GADL1: variants seen among roughly 807,000 people sequenced by gnomAD.
GADL1 encodes the protein GAD like acidic amino acid decarboxylase 1, also known as acidic amino acid decarboxylase GADL1.
GADL1 carries 71 observed loss-of-function variants against 69.5 expected under a neutral mutation model. The ratio of observed to expected loss-of-function variants is 1.02; its 90% CI spans 0.84 to 1.25. GADL1 has a LOEUF of 1.25. GADL1 is among the 50% of genes most tolerant of loss of function. The probability of loss-of-function intolerance (pLI) is 0.00; values close to 1 mark genes in which losing one functional copy is unlikely to be tolerated. For synonymous variants in GADL1, 254 were observed against 214.4 expected (o/e 1.18, Z -1.62); for missense variants, 737 against 631.8 (o/e 1.17, Z -1.79).
chr3:30,892,991 A>G (rs571512879), intron 1 of GADL1, among the ~76,000 whole-genome samples: 6 of 152,236 alleles, frequency 3.9e-5, no homozygotes, highest in Admixed American at 3.3e-4. Context: ...CGAGTACTGG[A>G]TTACAGGCAC....
chr3:30,729,114 A>G (rs1235705085), intron 14 of GADL1, among the ~76,000 whole-genome samples: 1 of 152,204 alleles, frequency 6.6e-6, no homozygotes, highest in Non-Finnish European at 1.5e-5. Context: ...AAAGATCTAT[A>G]GCTGACATGA....
At chr3:30,874,542 T>C (rs1347095180) in intron 1 of GADL1, among the ~76,000 whole-genome samples, 4 of 151,934 alleles carry the variant, frequency 2.6e-5, no homozygotes, top group African/African-American at 7.2e-5. Context: ...TTAGCAAATG[T>C]CCTCATGTTG....
chr3:30,807,358 T>A (rs1171603662), intron 11 of GADL1, among the ~76,000 whole-genome samples: 1 of 152,224 alleles, frequency 6.6e-6, no homozygotes, highest in African/African-American at 2.4e-5. Flanking sequence ...GGAATGTATT[T>A]GCCAGTTATA....
chr3:30,753,922 G>C (rs1304846400), intron 14 of GADL1, among the ~76,000 whole-genome samples: 1 of 152,136 alleles, frequency 6.6e-6, no homozygotes, highest in Non-Finnish European at 1.5e-5. Flanking sequence ...ATCCAGAAGA[G>C]GGAAGCAATT....
chr3:30,889,943 G>C (rs1698765311), intron 1 of GADL1, among the ~76,000 whole-genome samples: 1 of 152,034 alleles, frequency 6.6e-6, no homozygotes, highest in Non-Finnish European at 1.5e-5. Flanking sequence ...TCTACCTAGA[G>C]ACAACACCTA....
intron 11 of GADL1, among the ~76,000 whole-genome samples, chr3:30,827,625 CAG>C (rs1697704649): frequency 6.6e-6 from 1 of 151,852 alleles, no homozygotes; most frequent in African/African-American, 2.4e-5. Flanking sequence ...GCAGAAATGA[CAG>C]AGGTGTTTGT....
intron 14 of GADL1, among the ~76,000 whole-genome samples, chr3:30,748,450 AC>A (rs34836673): frequency 0.24 from 36,489 of 151,914 alleles, 4,751 homozygotes; most frequent in Non-Finnish European, 0.29. Flanking sequence ...TGTAAGAAAC[AC>A]CCCCATAGAG....
chr3:30,745,886 T>C (rs1438109929), intron 14 of GADL1, among the ~76,000 whole-genome samples: 1 of 152,100 alleles, frequency 6.6e-6, no homozygotes, highest in Non-Finnish European at 1.5e-5. Flanking sequence ...TTCCAAAATA[T>C]TAAAATTCTC....
At chr3:30,756,919 C>T (rs1367311768) in intron 14 of GADL1, among the ~76,000 whole-genome samples, 2 of 152,138 alleles carry the variant, frequency 1.3e-5, no homozygotes, top group African/African-American at 2.4e-5. Flanking sequence ...AGCAATAACT[C>T]AGCACTAGCC....
At chr3:30,735,693 T>C (rs1323794781) in intron 14 of GADL1, among the ~76,000 whole-genome samples, 5 of 152,152 alleles carry the variant, frequency 3.3e-5, no homozygotes, top group Admixed American at 2.0e-4. Context: ...ATGAACACTG[T>C]GTCATGGCGG....
rs116197639 is a variant in GADL1 at position 30,782,033 on chromosome 3, G to C, written c.1303-3765C>G. Among the ~76,000 whole-genome samples, 544 of 152,278 alleles carry C rather than the reference G, an allele frequency of 3.6e-3. 1 individual carries two copies. The highest frequency in any genetic ancestry group is 6.8e-3 in the Middle Eastern group (2 of 294). ...TTTCTATGTTATAGATATTGACTAGGCATCAGGACAAGAAAATGACACTTT... is the reference window on the plus strand; with the variant it reads ...TTTCTATGTTATAGATATTGACTAGCCATCAGGACAAGAAAATGACACTTT... On this transcript the variant is annotated intron_variant, in intron 13 of 14. Transcript: ENST00000282538.
At chr3:30,772,187 T>C (rs1696432835) in intron 14 of GADL1, among the ~76,000 whole-genome samples, 1 of 152,196 alleles carries the variant, frequency 6.6e-6, no homozygotes. Context: ...ATTTTAAGAT[T>C]TATTTCTCCT....
intron 11 of GADL1, among the ~76,000 whole-genome samples, chr3:30,818,484 T>C (rs374315319): frequency 6.6e-6 from 1 of 152,148 alleles, no homozygotes; most frequent in African/African-American, 2.4e-5. Flanking sequence ...CATGGTTGAT[T>C]AAGATTTTTT....
In GADL1 at chr3:30,728,422, G is replaced by A. The variant is rs992028065; in HGVS notation, c.1393-7C>T. 9.3e-6 allele frequency: 15 copies of A among 1,610,436 alleles called. No individual in the cohort carries two copies. Among genetic ancestry groups the A allele is most frequent in the Non-Finnish European group, 1.3e-5 (15 of 1,177,388 alleles). ...CCTTAATGGCTGGGGCCACCTGTGT[G>A]GGGAGAAAAGGGGAGAGGGGTGAAA... On this transcript the variant is annotated splice_polypyrimidine_tract_variant and splice_region_variant and intron_variant, in intron 14 of 14. Transcript: ENST00000282538.
chr3:30,745,089 A>C (rs996356320), intron 14 of GADL1, among the ~76,000 whole-genome samples: 2 of 152,212 alleles, frequency 1.3e-5, no homozygotes, highest in African/African-American at 4.8e-5. Context: ...TTATTTCATA[A>C]GATTTTTGTA....
chr3:30,809,533 A>G (rs547448426), intron 11 of GADL1, among the ~76,000 whole-genome samples: 1 of 152,234 alleles, frequency 6.6e-6, no homozygotes, highest in Admixed American at 6.5e-5. Context: ...ATTTTTTGAT[A>G]TTGACTCAGC....
At chr3:30,854,173 CTT>C (rs1196106002) in intron 4 of GADL1, among the ~76,000 whole-genome samples, 4 of 152,124 alleles carry the variant, frequency 2.6e-5, no homozygotes, top group African/African-American at 4.8e-5. Context: ...CCTAATAACA[CTT>C]ATTCAGTGTC....
chr3:30,726,895 A>C lies in GADL1; in HGVS notation c.*1347T>G, dbSNP rs927072980. On this transcript the variant is annotated 3_prime_UTR_variant, in exon 15 of 15. Transcript: ENST00000282538. ...CAGGAGAAATGGAGGAAGCATTTAC[A>C]CTGAAAGTCTGCTGAATCCCAGATT... 3 of 152,514 alleles carry C rather than the reference A, an allele frequency of 2.0e-5. No homozygotes were observed. Among genetic ancestry groups the C allele is most frequent in the African/African-American group, 7.2e-5 (3 of 41,420 alleles). 9.4% of individuals were successfully genotyped at this position (152,514 alleles called of 1,614,324 possible). A position where few individuals can be genotyped will look rare whatever the true frequency, so the allele number is the denominator to read the frequency against.
intron 11 of GADL1, among the ~76,000 whole-genome samples, chr3:30,806,385 G>A (rs889517915): frequency 2.6e-5 from 4 of 152,168 alleles, no homozygotes; most frequent in South Asian, 2.1e-4. Context: ...TTGGCGTAAT[G>A]TGCAAAATCA....
Sources: gnomAD v4.1 joint callset for allele counts (sites outside exome capture counted in the v4.1 genomes callset) on GRCh38, gnomAD v4.1.1 for gene constraint, MANE v1.5 for transcripts, NCBI Gene and HGNC (gene_info 2026-07-23, HGNC 2026-07-21) for gene names.